The following EYS variants were observed in gnomAD, a reference collection of about 807,000 sequenced individuals.
EYS encodes the protein protein eyes shut homolog.
In EYS, 250 loss-of-function variants were observed where a neutral mutation model predicts 282.1. The observed-to-expected ratio is 0.89, with a 90% CI of 0.80 to 0.98. The LOEUF (loss-of-function observed/expected upper bound fraction) is 0.98. EYS is among the 50% of genes least tolerant of loss of function. The pLI is 0.00. For synonymous variants in EYS, 1,355 were observed against 1,282.9 expected (o/e 1.06, Z -1.20); for missense variants, 4,016 against 3,709.0 (o/e 1.08, Z -2.15).
intron 8 of EYS, among the ~76,000 whole-genome samples, chr6:65,371,595 T>C (rs1710422991): frequency 6.6e-6 from 1 of 151,898 alleles, no homozygotes; most frequent in Non-Finnish European, 1.5e-5. Flanking sequence ...AATGTTATTG[T>C]AGAGCAAACC....
chr6:64,585,056 A>G (rs1766190664), intron 26 of EYS, among the ~76,000 whole-genome samples: 1 of 152,156 alleles, frequency 6.6e-6, no homozygotes, highest in Non-Finnish European at 1.5e-5. Context: ...ATAACAGCAA[A>G]GACACGGAAC....
At chr6:64,758,498 C>A (rs113084540) in intron 22 of EYS, among the ~76,000 whole-genome samples, 2 of 152,184 alleles carry the variant, frequency 1.3e-5, no homozygotes, top group South Asian at 2.1e-4. Context: ...TTACGACAAT[C>A]CTCTCTCAGT....
At chr6:64,662,406 G>T (rs1376880113) in intron 22 of EYS, among the ~76,000 whole-genome samples, 1 of 152,006 alleles carries the variant, frequency 6.6e-6, no homozygotes, top group Non-Finnish European at 1.5e-5. Context: ...TCATTTAAAA[G>T]TCCCAGATTT....
intron 31 of EYS, among the ~76,000 whole-genome samples, chr6:64,146,791 G>A (rs1384875318): frequency 1.3e-5 from 2 of 152,126 alleles, no homozygotes; most frequent in Admixed American, 1.3e-4. Flanking sequence ...CATCTTTGAG[G>A]TGGGACACTG....
At chr6:63,949,514 A>G (rs1765501391) in intron 35 of EYS, among the ~76,000 whole-genome samples, 1 of 152,188 alleles carries the variant, frequency 6.6e-6, no homozygotes, top group South Asian at 2.1e-4. Context: ...CCTAAAGCTC[A>G]TATCTTAGAC....
intron 12 of EYS, among the ~76,000 whole-genome samples, chr6:65,103,821 T>C (rs1252778419): frequency 6.6e-6 from 1 of 151,412 alleles, no homozygotes; most frequent in African/African-American, 2.4e-5. Flanking sequence ...ATAGCATTAA[T>C]AGTCACCCCC....
chr6:65,330,219 T>C (rs368335045), intron 11 of EYS: 1 of 962,872 alleles, frequency 1.0e-6, no homozygotes. Context: ...TCATGTCTCA[T>C]TGTCATAACA....
At position 65,105,627 on chromosome 6, in the gene EYS, C is replaced by T. The variant is rs115443064; in HGVS notation, c.2024-47900G>A. ...CATTTTATTATTTTTGAATCTTGAC[C>T]TAATCCTGTCTGTGAAACCACTGCG... On this transcript the variant is annotated intron_variant, in intron 12 of 42. Transcript: ENST00000503581. 3.3e-3 allele frequency among the ~76,000 whole-genome samples: 503 copies of T among 151,804 alleles called. 2 individuals are homozygous for T. The highest frequency in any genetic ancestry group is 0.012 in the African/African-American group (483 of 41,464).
intron 31 of EYS, among the ~76,000 whole-genome samples, chr6:64,094,368 G>A (rs1487119629): frequency 6.6e-6 from 1 of 152,132 alleles, no homozygotes. Flanking sequence ...GAATTTGGCT[G>A]TGAATCCATC....
intron 35 of EYS, among the ~76,000 whole-genome samples, chr6:63,872,286 C>G (rs945500300): frequency 1.3e-5 from 2 of 151,878 alleles, no homozygotes; most frequent in Non-Finnish European, 2.9e-5. Context: ...TGGCCACACT[C>G]TCCATCGTGC....
At chr6:64,430,353 C>T (rs776474181) in intron 28 of EYS, among the ~76,000 whole-genome samples, 7 of 151,942 alleles carry the variant, frequency 4.6e-5, no homozygotes, top group Non-Finnish European at 5.9e-5. Flanking sequence ...GCCAGTACGC[C>T]GGGTGAATCC....
intron 34 of EYS, among the ~76,000 whole-genome samples, chr6:63,988,597 T>C (rs1209730831): frequency 6.6e-6 from 1 of 151,624 alleles, no homozygotes; most frequent in East Asian, 1.9e-4. Context: ...AGACGACTTT[T>C]GTGTGTATAA....
At chr6:65,064,517 T>C (rs889517441) in intron 12 of EYS, among the ~76,000 whole-genome samples, 1 of 147,262 alleles carries the variant, frequency 6.8e-6, no homozygotes, top group African/African-American at 2.5e-5. Context: ...ATAATATATG[T>C]ACTATATACT....
At chr6:64,494,801 C>T (rs9451765) in intron 26 of EYS, among the ~76,000 whole-genome samples, 2,897 of 151,780 alleles carry the variant, frequency 0.019, 47 homozygotes, top group African/African-American at 0.045. Context: ...CTATGAAATA[C>T]AGTTTCTTAC....
At chr6:65,193,133 A>T (rs1262752152) in intron 12 of EYS, among the ~76,000 whole-genome samples, 1 of 151,942 alleles carries the variant, frequency 6.6e-6, no homozygotes, top group Non-Finnish European at 1.5e-5. Context: ...TCATGGGGGT[A>T]GGAAGTAGAA....
chr6:63,784,670 G>A (rs1172398267), intron 39 of EYS, among the ~76,000 whole-genome samples: 3 of 151,802 alleles, frequency 2.0e-5, no homozygotes, highest in Non-Finnish European at 4.4e-5. Flanking sequence ...CACAAGAACA[G>A]CAAGGGGGAA....
chr6:64,997,581 C>T lies in EYS; in HGVS notation c.2259+1G>A, dbSNP rs752736741. 2.8e-5 allele frequency: 44 copies of T among 1,550,530 alleles called. No homozygotes were observed. Among genetic ancestry groups the T allele is most frequent in the Admixed American group, 5.9e-5 (3 of 50,968 alleles). On this transcript the variant is annotated splice_donor_variant, in intron 14 of 42. Transcript: ENST00000503581. LOFTEE classifies it high-confidence loss of function. ...TATATAAAAAGCCAGTGGATACTAA[C>T]GAGATGCAGGTCTTTGCAGGTAGAA... is the stretch of plus-strand genomic sequence containing the variant.
intron 13 of EYS, among the ~76,000 whole-genome samples, chr6:65,034,648 G>T (rs1772710302): frequency 6.6e-6 from 1 of 152,060 alleles, no homozygotes; most frequent in South Asian, 2.1e-4. Context: ...TAAGATTTCT[G>T]AGGCCTCCTT....
intron 12 of EYS, among the ~76,000 whole-genome samples, chr6:65,252,503 C>T (rs1213185171): frequency 1.3e-5 from 2 of 151,844 alleles, no homozygotes; most frequent in Admixed American, 6.6e-5. Flanking sequence ...TGCATATATC[C>T]TCAATAGGAT....
Sources: allele counts gnomAD v4.1 joint callset (sites outside exome capture counted in the v4.1 genomes callset), GRCh38; gene constraint gnomAD v4.1.1; transcripts MANE v1.5; gene names NCBI Gene and HGNC (gene_info 2026-07-23, HGNC 2026-07-21).